Variants in ZNF609 observed in about 807,000 individuals in gnomAD.
ZNF609 encodes zinc finger protein 609.
Under a neutral mutation model 109.5 loss-of-function variants are expected in ZNF609, and 11 were observed. The ratio of observed to expected loss-of-function variants is 0.10; its 90% CI spans 0.06 to 0.17. The LOEUF is 0.17. Ranked by LOEUF, ZNF609 falls within the 10% of genes least tolerant of loss-of-function variation. The pLI is 1.00. For synonymous variants in ZNF609, 646 were observed against 662.0 expected, an observed-to-expected ratio of 0.98 and a Z score of 0.37; for missense variants, 1,559 against 1,772.4, an observed-to-expected ratio of 0.88 and a Z score of 2.16.
intron 2 of ZNF609, among the ~76,000 whole-genome samples, chr15:64,575,873 C>A (rs1287230335): frequency 6.6e-6 from 1 of 152,138 alleles, no homozygotes; most frequent in Non-Finnish European, 1.5e-5. Context: ...GAGGCCGAGG[C>A]AGGTGGATCA....
At chr15:64,527,970 A>G (rs1415313100) in intron 2 of ZNF609, among the ~76,000 whole-genome samples, 1 of 152,140 alleles carries the variant, frequency 6.6e-6, no homozygotes, top group Non-Finnish European at 1.5e-5. Flanking sequence ...TTTACAGCAT[A>G]TTCTTGTTAG....
At chr15:64,485,917 G>A (rs1440727110) in intron 1 of ZNF609, among the ~76,000 whole-genome samples, 1 of 152,094 alleles carries the variant, frequency 6.6e-6, no homozygotes, top group Non-Finnish European at 1.5e-5. Flanking sequence ...CATCTATCTT[G>A]TTCAGACCTC....
At chr15:64,607,704 C>T (rs1326863571) in intron 2 of ZNF609, among the ~76,000 whole-genome samples, 1 of 151,602 alleles carries the variant, frequency 6.6e-6, no homozygotes, top group Non-Finnish European at 1.5e-5. Flanking sequence ...GGGGTCTCAC[C>T]ATGTTGGCCA....
intron 2 of ZNF609, among the ~76,000 whole-genome samples, chr15:64,561,270 C>A (rs1266448459): frequency 1.3e-5 from 2 of 152,134 alleles, no homozygotes; most frequent in African/African-American, 2.4e-5. Context: ...TTACTACTTT[C>A]TGATATTGTC....
At chr15:64,536,106 G>C (rs1894138274) in intron 2 of ZNF609, among the ~76,000 whole-genome samples, 1 of 151,934 alleles carries the variant, frequency 6.6e-6, no homozygotes, top group Non-Finnish European at 1.5e-5. Flanking sequence ...TTGTAGCTTT[G>C]AACTCCTCAG....
At position 64,499,397 on chromosome 15, in the gene ZNF609, T is replaced by G; in HGVS notation, c.-23T>G. 4 of 1,604,416 alleles carry G rather than the reference T, an allele frequency of 2.5e-6. No homozygotes were observed. Among genetic ancestry groups the G allele is most frequent in the Non-Finnish European group, 3.4e-6 (4 of 1,174,578 alleles). On this transcript the variant is annotated 5_prime_UTR_variant, in exon 2 of 10. Coordinates refer to ENST00000326648, the MANE Select transcript of ZNF609 (RefSeq NM_015042.2). ...GGGGGCAAGGAAGAGCCTTGAATCT[T>G]GAGGTGGGACGTTGACTCTAAGATG... is the stretch of plus-strand genomic sequence containing the variant.
Position 64,593,913 on chromosome 15 carries a change from A to G in ZNF609, c.748-28914A>G, listed in dbSNP as rs998687028. On this transcript the variant is annotated intron_variant, in intron 2 of 9. Transcript: ENST00000326648. ...TGGTGTTTGCTGTCTCGCCATATTA[A>G]TAGTTTTGTGTTGGAACTCCTTGAC... Among the ~76,000 whole-genome samples the G allele has an allele frequency of 2.6e-5, 4 of 152,202 alleles. No individual in the cohort carries two copies. In the South Asian group the frequency reaches 8.3e-4, roughly 32 times the overall value.
At chr15:64,463,359 G>A (rs1007368349) in intron 1 of ZNF609, among the ~76,000 whole-genome samples, 15 of 150,868 alleles carry the variant, frequency 9.9e-5, no homozygotes, top group South Asian at 2.1e-4. Context: ...TGATTGCACC[G>A]CTGTACTCCA....
chr15:64,584,991 AAG>A (rs1381454318), intron 2 of ZNF609, among the ~76,000 whole-genome samples: 1 of 151,628 alleles, frequency 6.6e-6, no homozygotes, highest in Non-Finnish European at 1.5e-5. Flanking sequence ...GAAAAAAAAA[AAG>A]AGGGGGCCCT....
chr15:64,518,502 T>C (rs1893846933), intron 2 of ZNF609, among the ~76,000 whole-genome samples: 1 of 152,220 alleles, frequency 6.6e-6, no homozygotes, highest in Non-Finnish European at 1.5e-5. Context: ...GATTTGGATT[T>C]CATCCTAACA....
chr15:64,633,347 A>G (rs1896115613), intron 3 of ZNF609, among the ~76,000 whole-genome samples: 1 of 152,204 alleles, frequency 6.6e-6, no homozygotes, highest in South Asian at 2.1e-4. Flanking sequence ...AGGTATTGCC[A>G]TATTGCTCAG....
chr15:64,503,842 A>G (rs1330138200), intron 2 of ZNF609, among the ~76,000 whole-genome samples: 1 of 152,228 alleles, frequency 6.6e-6, no homozygotes, highest in African/African-American at 2.4e-5. Flanking sequence ...AGAAAACCAT[A>G]AAGTGTGCTC....
intron 2 of ZNF609, among the ~76,000 whole-genome samples, chr15:64,592,221 G>A (rs1895311505): frequency 6.6e-6 from 1 of 152,066 alleles, no homozygotes; most frequent in Non-Finnish European, 1.5e-5. Context: ...GTGAAAATTA[G>A]GACAACCTAA....
Position 64,556,352 on chromosome 15 carries a change from C to T in ZNF609, c.747+56186C>T, listed in dbSNP as rs538009474. ...CTGGCAATGTTGCCCAGGCTGGTCT[C>T]GAACACCTGGTCTCAAGTGATCTTC... On this transcript the variant is annotated intron_variant, in intron 2 of 9. Coordinates refer to ENST00000326648, the MANE Select transcript of ZNF609 (RefSeq NM_015042.2). Among the ~76,000 whole-genome samples, 6 of 151,864 alleles carry T rather than the reference C, an allele frequency of 4.0e-5. No individual in the cohort carries two copies. The South Asian group carries it at 1.2e-3, about 32-fold the overall frequency.
chr15:64,474,439 C>G (rs1250382847), intron 1 of ZNF609, among the ~76,000 whole-genome samples: 1 of 151,792 alleles, frequency 6.6e-6, no homozygotes, highest in Admixed American at 6.6e-5. Context: ...TCTCGAACTC[C>G]CGACCTCAGG....
intron 2 of ZNF609, among the ~76,000 whole-genome samples, chr15:64,510,890 A>G (rs1454293801): frequency 6.6e-6 from 1 of 151,872 alleles, no homozygotes; most frequent in Non-Finnish European, 1.5e-5. Flanking sequence ...CTGGGCATTA[A>G]ATCCTTTCTT....
intron 2 of ZNF609, among the ~76,000 whole-genome samples, chr15:64,551,985 C>CAAA (rs35698512): frequency 3.2e-5 from 3 of 93,412 alleles, no homozygotes; most frequent in African/African-American, 4.6e-5. Context: ...GACTCTGTCT[C>CAAA]AAAAAAAAAA....
chr15:64,565,263 TAG>T (rs1249936618), intron 2 of ZNF609, among the ~76,000 whole-genome samples: 1 of 150,208 alleles, frequency 6.7e-6, no homozygotes, highest in Non-Finnish European at 1.5e-5. Flanking sequence ...CTATTTTTAG[TAG>T]AGACGGAGTT....
chr15:64,471,043 T>A (rs757247824), intron 1 of ZNF609, among the ~76,000 whole-genome samples: 2 of 152,154 alleles, frequency 1.3e-5, no homozygotes, highest in Non-Finnish European at 2.9e-5. Context: ...GGAAATAATG[T>A]TCACTGTTTT....
Sources: gnomAD v4.1 joint callset for allele counts (sites outside exome capture counted in the v4.1 genomes callset) on GRCh38, gnomAD v4.1.1 for gene constraint, MANE v1.5 for transcripts, NCBI Gene and HGNC (gene_info 2026-07-23, HGNC 2026-07-21) for gene names.